PTPRT: variants seen among roughly 807,000 people sequenced by gnomAD.
The protein encoded by PTPRT is receptor-type tyrosine-protein phosphatase T.
PTPRT carries 56 observed loss-of-function variants against 176.8 expected under a neutral mutation model. The ratio of observed to expected loss-of-function variants is 0.32; its 90% confidence interval spans 0.26 to 0.40. The LOEUF is 0.40. PTPRT is among the 10% of genes least tolerant of loss of function. PTPRT has a pLI of 1.00. For missense variants in PTPRT, 1,540 were observed against 1,908.2 expected, an observed-to-expected ratio of 0.81 and a Z score of 3.60; for synonymous variants, 783 against 739.0, an observed-to-expected ratio of 1.06 and a Z score of -0.96.
intron 7 of PTPRT, among the ~76,000 whole-genome samples, chr20:42,496,191 G>C (rs574834193): frequency 6.6e-6 from 1 of 152,192 alleles, no homozygotes; most frequent in East Asian, 1.9e-4. Context: ...AAGAGGGGTC[G>C]GCTTTGCTGT....
At chr20:43,101,918 C>A (rs969164381) in intron 1 of PTPRT, among the ~76,000 whole-genome samples, 2 of 152,180 alleles carry the variant, frequency 1.3e-5, no homozygotes, top group African/African-American at 4.8e-5. Context: ...AATTTATACA[C>A]AACAGAAATT....
At chr20:42,275,975 G>A (rs1463636423) in intron 13 of PTPRT, among the ~76,000 whole-genome samples, 1 of 152,132 alleles carries the variant, frequency 6.6e-6, no homozygotes, top group Admixed American at 6.5e-5. Context: ...AGTTTGACAA[G>A]ATTTATAAAG....
At chr20:42,655,390 C>A (rs1269445985) in intron 7 of PTPRT, among the ~76,000 whole-genome samples, 1 of 152,130 alleles carries the variant, frequency 6.6e-6, no homozygotes, top group Non-Finnish European at 1.5e-5. Flanking sequence ...ACTTGGGAGG[C>A]TGAGGCAGGA....
rs772669350 is a variant in PTPRT, at chr20:42,110,533, T to C, written c.3100-46A>G. Reference sequence around the variant, plus strand: ...TGTTCTTCCAGCTGCTGCCCTCGCATACCCAGCCCAGCAACACGTGGAGCC... The same window carrying C: ...TGTTCTTCCAGCTGCTGCCCTCGCACACCCAGCCCAGCAACACGTGGAGCC... On this transcript the variant is annotated intron_variant, in intron 22 of 30. Transcript: ENST00000373187. 3 of 1,542,204 alleles carry C rather than the reference T, an allele frequency of 1.9e-6. No homozygotes were observed. In the South Asian group the frequency reaches 3.8e-5, roughly 19 times the overall value.
chr20:42,093,199 C>A (rs1984819141), intron 27 of PTPRT, among the ~76,000 whole-genome samples: 1 of 152,140 alleles, frequency 6.6e-6, no homozygotes, highest in African/African-American at 2.4e-5. Flanking sequence ...TGGTGTCTTT[C>A]TGGTGGTCCG....
At chr20:42,189,972 A>T (rs1436921973) in intron 16 of PTPRT, among the ~76,000 whole-genome samples, 1 of 152,180 alleles carries the variant, frequency 6.6e-6, no homozygotes, top group Non-Finnish European at 1.5e-5. Flanking sequence ...CTAAATTTCC[A>T]TTTTGTAACT....
In PTPRT at chr20:42,322,472, T is replaced by C. The variant is rs1194316008; in HGVS notation, c.1866-6476A>G. 4.7e-5 allele frequency among the ~76,000 whole-genome samples: 5 copies of C among 106,052 alleles called. 1 individual carries two copies. The highest frequency in any genetic ancestry group is 8.4e-5 in the Non-Finnish European group (5 of 59,266). The allele number at this position is 106,052 out of a possible 152,430, so 69.6% of individuals were successfully genotyped here. On this transcript the variant is annotated intron_variant, in intron 11 of 30. Coordinates refer to ENST00000373187, the MANE Select transcript of PTPRT (RefSeq NM_007050.6). ...ATAACGCCGCATATCTACAACTGTCTGATCTTTGACAAACCTGAGAAAAAC... is the reference window on the plus strand; with the variant it reads ...ATAACGCCGCATATCTACAACTGTCCGATCTTTGACAAACCTGAGAAAAAC...
chr20:42,969,539 T>C (rs1453056527), intron 1 of PTPRT: 1 of 152,334 alleles, frequency 6.6e-6, no homozygotes, highest in East Asian at 1.9e-4. Context: ...CTATGGAATG[T>C]GCTAGGTAAA....
At chr20:42,460,295 G>A (rs140263928) in intron 8 of PTPRT, among the ~76,000 whole-genome samples, 1 of 152,192 alleles carries the variant, frequency 6.6e-6, no homozygotes. Context: ...TGGCTCTTGG[G>A]TTGAATCCAA....
intron 7 of PTPRT, among the ~76,000 whole-genome samples, chr20:42,645,766 G>A (rs1306014900): frequency 7.0e-5 from 7 of 100,426 alleles, no homozygotes; most frequent in Non-Finnish European, 1.6e-4. Flanking sequence ...GTGTATTTAT[G>A]TGTGTGTGTG....
the PTPRT span, among the ~76,000 whole-genome samples, chr20:42,037,815 T>C: frequency 9.2e-5 from 14 of 152,210 alleles, no homozygotes; most frequent in African/African-American, 2.9e-4. Context: ...TATCTGGAGC[T>C]GCTTGTTGGA....
intron 7 of PTPRT, among the ~76,000 whole-genome samples, chr20:42,489,027 TGTG>T (rs2071513807): frequency 8.0e-6 from 1 of 124,772 alleles, no homozygotes; most frequent in Non-Finnish European, 1.5e-5. Flanking sequence ...TGTGTGTGTG[TGTG>T]TGTGTGTGTG....
intron 7 of PTPRT, among the ~76,000 whole-genome samples, chr20:42,551,774 C>T (rs940045902): frequency 6.6e-6 from 1 of 152,158 alleles, no homozygotes; most frequent in Non-Finnish European, 1.5e-5. Flanking sequence ...CTTCACCTAC[C>T]TAGGTTTTCC....
At chr20:42,049,464 C>T in the PTPRT span, among the ~76,000 whole-genome samples, 1 of 152,324 alleles carries the variant, frequency 6.6e-6, no homozygotes, top group Non-Finnish European at 1.5e-5. Flanking sequence ...GTCTGCTAGG[C>T]TGAAGGCAAG....
In PTPRT at chr20:43,189,661, C is replaced by A. The variant is rs1388377310; in HGVS notation, c.73G>T (p.Ala25Ser). 2 of 1,314,668 alleles carry A rather than the reference C, an allele frequency of 1.5e-6. No individual in the cohort carries two copies. The highest frequency in any genetic ancestry group is 4.1e-5 in the South Asian group (2 of 48,358). 81.4% of individuals were successfully genotyped at this position (1,314,668 alleles called of 1,614,324 possible). A position where few individuals can be genotyped will look rare whatever the true frequency, so the allele number is the denominator to read the frequency against. Reference sequence around the variant, plus strand: ...GCGCACTCACCTGCGGCGCTCTGAGCCCGGGCGCCGGGCAGTGGCGGCAGC... The same window carrying A: ...GCGCACTCACCTGCGGCGCTCTGAGACCGGGCGCCGGGCAGTGGCGGCAGC... ...LQLPPLPGARAQSAAGGCSFD... is the reference protein window; with the variant it reads ...LQLPPLPGARSQSAAGGCSFD... The change falls in exon 1 of 31, where the codon GCT becomes TCT. Residue 25 changes from alanine to serine, a missense_variant. Around this residue, in one of 11 missense-constraint regions of PTPRT, gnomAD observed 116 missense variants for 118.5 expected, o/e 0.98. Coordinates refer to ENST00000373187, the MANE Select transcript of PTPRT (RefSeq NM_007050.6). The surrounding 1 kb of genome is among the most constrained non-coding windows in gnomAD (Gnocchi z 5.0).
rs1409905429 is a variant in PTPRT, at chr20:42,271,092, TGCCTC to T, written c.2176+11392_2176+11396del. ...TCCTTCAGTTGAAATACAACAGTGC[TGCCTC>T]GTTGTCCCCAAGGTAAACTTCAAAC... On this transcript the variant is annotated intron_variant, in intron 13 of 30. Transcript: ENST00000373187. Among the ~76,000 whole-genome samples the T allele has an allele frequency of 4.6e-5, 7 of 152,296 alleles. No individual in the cohort carries two copies. The East Asian group carries it at 1.4e-3, about 29-fold the overall frequency.
intron 15 of PTPRT, among the ~76,000 whole-genome samples, chr20:42,227,210 G>C (rs187006992): frequency 4.6e-5 from 7 of 151,888 alleles, no homozygotes; most frequent in Non-Finnish European, 8.8e-5. Context: ...GAAAGAAGGA[G>C]GGAAGGAAAG....
At chr20:42,404,898 C>CAGT (rs1004978537) in intron 9 of PTPRT, among the ~76,000 whole-genome samples, 10 of 147,724 alleles carry the variant, frequency 6.8e-5, no homozygotes, top group Non-Finnish European at 1.5e-4. Flanking sequence ...TTATTTTTTC[C>CAGT]AGTAGTGAGA....
chr20:43,065,407 C>T (rs1216112849), intron 1 of PTPRT, among the ~76,000 whole-genome samples: 1 of 152,154 alleles, frequency 6.6e-6, no homozygotes, highest in African/African-American at 2.4e-5. Context: ...GGCCAGAACT[C>T]AAAATAGGCC....
Sources: gnomAD v4.1 joint callset for allele counts (sites outside exome capture counted in the v4.1 genomes callset) on GRCh38, gnomAD v4.1.1 for gene constraint, gnomAD v4.1.1 regional missense constraint, Gnocchi (gnomAD v3.1) non-coding constraint, MANE v1.5 for transcripts, NCBI Gene and HGNC (gene_info 2026-07-23, HGNC 2026-07-21) for gene names.